Variants in ARMH4 observed in about 807,000 individuals in gnomAD.
ARMH4 encodes armadillo like helical domain containing 4.
A neutral mutation model predicts 61.9 loss-of-function variants in ARMH4; 49 were observed. The observed-to-expected ratio is 0.79, with a 90% CI of 0.63 to 1.00. The LOEUF is 1.00. ARMH4 is among the 50% of genes least tolerant of loss of function. ARMH4 has a pLI of 0.00. For missense variants in ARMH4, 934 were observed against 930.0 expected, an observed-to-expected ratio of 1.00 and a Z score of -0.06; for synonymous variants, 368 against 341.5, an observed-to-expected ratio of 1.08 and a Z score of -0.85.
chr14:58,125,374 C>A (rs368617426), intron 4 of ARMH4, among the ~76,000 whole-genome samples: 3 of 152,190 alleles, frequency 2.0e-5, no homozygotes, highest in Admixed American at 2.0e-4. Flanking sequence ...AAAACCTTCA[C>A]CAAACCTTTC....
At chr14:58,141,490 C>T in intron 1 of ARMH4, 1 of 540,090 alleles carries the variant, frequency 1.9e-6, no homozygotes, top group Admixed American at 2.0e-5. Flanking sequence ...AAACCTGGTG[C>T]TGCGCCTGCG....
chr14:58,090,164 C>A (rs895194836), intron 5 of ARMH4, among the ~76,000 whole-genome samples: 9 of 152,116 alleles, frequency 5.9e-5, no homozygotes, highest in African/African-American at 1.9e-4. Flanking sequence ...ATAAAGACAG[C>A]TATAATAATT....
chr14:58,049,939 T>C (rs1390663784), intron 5 of ARMH4, among the ~76,000 whole-genome samples: 1 of 152,196 alleles, frequency 6.6e-6, no homozygotes, highest in Non-Finnish European at 1.5e-5. Context: ...GAATCCTAAA[T>C]CCCAGTTTAT....
intron 6 of ARMH4, among the ~76,000 whole-genome samples, chr14:58,007,757 A>T (rs1882233117): frequency 6.6e-6 from 1 of 152,228 alleles, no homozygotes; most frequent in Non-Finnish European, 1.5e-5. Flanking sequence ...TGTCCAAATT[A>T]TTGCATATAC....
chr14:58,049,187 C>T (rs987315446), intron 5 of ARMH4, among the ~76,000 whole-genome samples: 1 of 148,314 alleles, frequency 6.7e-6, no homozygotes, highest in African/African-American at 2.5e-5. Flanking sequence ...TGCAGTGAGC[C>T]GAGATGGCAC....
chr14:58,087,074 T>C (rs1481869396), intron 5 of ARMH4, among the ~76,000 whole-genome samples: 1 of 152,252 alleles, frequency 6.6e-6, no homozygotes, highest in Non-Finnish European at 1.5e-5. Flanking sequence ...GAAATGCTTC[T>C]GAACCTTGAA....
chr14:58,044,659 A>G (rs536604386), intron 5 of ARMH4, among the ~76,000 whole-genome samples: 1 of 152,330 alleles, frequency 6.6e-6, no homozygotes, highest in Admixed American at 6.5e-5. Context: ...AAAAGAAACT[A>G]CCATCAGAGT....
chr14:58,009,508 T>C (rs996779272), intron 6 of ARMH4, among the ~76,000 whole-genome samples: 2 of 151,886 alleles, frequency 1.3e-5, no homozygotes, highest in African/African-American at 4.8e-5. Flanking sequence ...ATCTCCAGAC[T>C]TAAAAACAAG....
At chr14:58,043,070 T>C (rs914261146) in intron 5 of ARMH4, among the ~76,000 whole-genome samples, 12 of 152,004 alleles carry the variant, frequency 7.9e-5, no homozygotes, top group African/African-American at 1.9e-4. Flanking sequence ...TTCCAATCAA[T>C]AGAAAAAGAG....
intron 2 of ARMH4, among the ~76,000 whole-genome samples, chr14:58,136,425 T>A (rs561535194): frequency 6.6e-6 from 1 of 152,336 alleles, no homozygotes; most frequent in African/African-American, 2.4e-5. Flanking sequence ...AAGGTCTTCA[T>A]GGCCATGTGC....
At position 58,003,868 on chromosome 14, in the gene ARMH4, A is replaced by G. The variant is rs1882064857; in HGVS notation, c.*868T>C. The G allele has an allele frequency of 6.6e-6, 1 of 152,212 alleles. No homozygotes were observed. The highest frequency in any genetic ancestry group is 1.5e-5 in the Non-Finnish European group (1 of 68,040). The allele number at this position is 152,212 out of a possible 1,614,324, so 9.4% of individuals were successfully genotyped here. On this transcript the variant is annotated 3_prime_UTR_variant, in exon 8 of 8. Transcript: ENST00000267485. ...ACATTAGCAGCCACATAAGCATAGAACCAAATGGCAGACAGAAATGCTCTG... is the reference window on the plus strand; with the variant it reads ...ACATTAGCAGCCACATAAGCATAGAGCCAAATGGCAGACAGAAATGCTCTG...
At chr14:58,131,792 C>T (rs1441404663) in intron 3 of ARMH4, 71 bp from the exon 4 acceptor site, 2 of 1,428,220 alleles carry the variant, frequency 1.4e-6, no homozygotes, top group Non-Finnish European at 9.7e-7. Context: ...TGTGCTTTCA[C>T]TTTTTAGGCA....
chr14:58,028,500 T>G (rs962839675), intron 5 of ARMH4, among the ~76,000 whole-genome samples: 1 of 152,182 alleles, frequency 6.6e-6, no homozygotes, highest in Non-Finnish European at 1.5e-5. Context: ...TTCCCCTGGC[T>G]TGCTGACAAG....
intron 5 of ARMH4, among the ~76,000 whole-genome samples, chr14:58,048,311 T>C (rs1884007115): frequency 6.6e-6 from 1 of 152,218 alleles, no homozygotes; most frequent in African/African-American, 2.4e-5. Context: ...ATTCTAAAAA[T>C]ATAAAGGCAT....
chr14:58,042,857 A>T (rs1281668100), intron 5 of ARMH4, among the ~76,000 whole-genome samples: 1 of 152,224 alleles, frequency 6.6e-6, no homozygotes, highest in Non-Finnish European at 1.5e-5. Flanking sequence ...GAAATGGATA[A>T]ATTCCTAGAC....
At chr14:58,093,221 C>G (rs1885632914) in intron 5 of ARMH4, among the ~76,000 whole-genome samples, 1 of 152,128 alleles carries the variant, frequency 6.6e-6, no homozygotes, top group Admixed American at 6.5e-5. Context: ...AATCCTCTTT[C>G]CTTTATAAAT....
At chr14:58,125,435 C>T (rs9671851) in intron 4 of ARMH4, among the ~76,000 whole-genome samples, 25,802 of 152,180 alleles carry the variant, frequency 0.17, 3,816 homozygotes, top group African/African-American at 0.41. Flanking sequence ...ATTTACTGGA[C>T]CAGGCCTTTT....
At chr14:58,007,327 T>G (rs1882214874) in intron 6 of ARMH4, among the ~76,000 whole-genome samples, 3 of 152,304 alleles carry the variant, frequency 2.0e-5, no homozygotes, top group African/African-American at 7.2e-5. Flanking sequence ...TTATGGAGCT[T>G]TATTTTTTCA....
intron 5 of ARMH4, among the ~76,000 whole-genome samples, chr14:58,080,278 C>A (rs544453532): frequency 2.0e-5 from 3 of 151,940 alleles, no homozygotes; most frequent in Non-Finnish European, 4.4e-5. Flanking sequence ...TACAGGCATG[C>A]GCCACCACAC....
Sources: gnomAD v4.1 joint callset for allele counts (sites outside exome capture counted in the v4.1 genomes callset) on GRCh38, gnomAD v4.1.1 for gene constraint, MANE v1.5 for transcripts, NCBI Gene and HGNC (gene_info 2026-07-23, HGNC 2026-07-21) for gene names.